Variants in NLGN1 observed in about 807,000 individuals in gnomAD.
NLGN1 encodes neuroligin-1.
Under a neutral mutation model 65.5 loss-of-function variants are expected in NLGN1, and 12 were observed. That is an observed-to-expected ratio of 0.18 (90% CI 0.12 to 0.30). The LOEUF (loss-of-function observed/expected upper bound fraction) is 0.30. Among genes scored for constraint, NLGN1 ranks in the 10% least tolerant of loss-of-function variants. The pLI is 1.00. For synonymous variants in NLGN1, 350 were observed against 359.5 expected (o/e 0.97, Z 0.30); for missense variants, 750 against 1,007.1 (o/e 0.74, Z 3.46).
At chr3:174,046,815 T>G (rs1733707485) in intron 4 of NLGN1, among the ~76,000 whole-genome samples, 1 of 152,094 alleles carries the variant, frequency 6.6e-6, no homozygotes, top group African/African-American at 2.4e-5. Context: ...AGGAATTGCT[T>G]TCTTATTCCT....
intron 4 of NLGN1, among the ~76,000 whole-genome samples, chr3:173,833,138 A>T (rs955337416): frequency 1.3e-5 from 2 of 152,248 alleles, no homozygotes; most frequent in Non-Finnish European, 2.9e-5. Flanking sequence ...ATTACAGTAT[A>T]TGTGCATTTA....
chr3:173,404,820 T>C (rs1357649978), intron 1 of NLGN1, among the ~76,000 whole-genome samples: 1 of 152,126 alleles, frequency 6.6e-6, no homozygotes, highest in Non-Finnish European at 1.5e-5. Context: ...TGTTTAATTA[T>C]ATTTAATAGA....
chr3:173,678,827 A>G (rs1763533904), intron 3 of NLGN1, among the ~76,000 whole-genome samples: 2 of 152,150 alleles, frequency 1.3e-5, no homozygotes, highest in Admixed American at 6.6e-5. Context: ...GGTGAGAAAC[A>G]TTGAGAGCTT....
intron 4 of NLGN1, among the ~76,000 whole-genome samples, chr3:174,208,409 G>A (rs1735824800): frequency 6.6e-6 from 1 of 152,132 alleles, no homozygotes; most frequent in African/African-American, 2.4e-5. Context: ...CAAATGGCAG[G>A]TGAAGGTAGA....
At chr3:174,166,169 C>G (rs754108297) in intron 4 of NLGN1, among the ~76,000 whole-genome samples, 54 of 151,690 alleles carry the variant, frequency 3.6e-4, no homozygotes, top group Non-Finnish European at 7.5e-4. Flanking sequence ...GATATTTGTG[C>G]AGATTTTGAG....
At chr3:173,996,272 G>GTATA (rs992396530) in intron 4 of NLGN1, among the ~76,000 whole-genome samples, 2 of 152,124 alleles carry the variant, frequency 1.3e-5, no homozygotes, top group African/African-American at 2.4e-5. Flanking sequence ...GATCCTTGCT[G>GTATA]TATATATAGT....
intron 3 of NLGN1, among the ~76,000 whole-genome samples, chr3:173,692,379 A>C (rs757864368): frequency 6.6e-6 from 1 of 152,246 alleles, no homozygotes; most frequent in African/African-American, 2.4e-5. Flanking sequence ...TCAGTGATCT[A>C]TTCACATTTG....
intron 3 of NLGN1, among the ~76,000 whole-genome samples, chr3:173,608,495 A>G (rs1053219895): frequency 6.6e-6 from 1 of 151,908 alleles, no homozygotes; most frequent in Non-Finnish European, 1.5e-5. Flanking sequence ...TTTAATCATC[A>G]TAGCAACATT....
At chr3:174,219,665 T>C (rs1235777583) in intron 4 of NLGN1, among the ~76,000 whole-genome samples, 1 of 152,110 alleles carries the variant, frequency 6.6e-6, no homozygotes, top group African/African-American at 2.4e-5. Flanking sequence ...ATCAGTTCCT[T>C]GAAAGCAGGT....
intron 3 of NLGN1, among the ~76,000 whole-genome samples, chr3:173,758,706 T>C (rs1213171883): frequency 6.6e-6 from 1 of 152,028 alleles, no homozygotes; most frequent in East Asian, 1.9e-4. Flanking sequence ...CATGTATATT[T>C]GTAGCAATTC....
At chr3:173,662,850 A>G (rs1002008703) in intron 3 of NLGN1, among the ~76,000 whole-genome samples, 3 of 151,920 alleles carry the variant, frequency 2.0e-5, no homozygotes, top group Non-Finnish European at 4.4e-5. Context: ...CCCAACACAA[A>G]ATTTTCCTGC....
At chr3:173,804,752 C>CA (rs1435034733) in intron 3 of NLGN1, among the ~76,000 whole-genome samples, 3 of 151,730 alleles carry the variant, frequency 2.0e-5, no homozygotes, top group Non-Finnish European at 2.9e-5. Context: ...CCTGGCCAGG[C>CA]ATGGTGGCTC....
At chr3:173,733,618 T>C (rs1773226918) in intron 3 of NLGN1, among the ~76,000 whole-genome samples, 1 of 152,142 alleles carries the variant, frequency 6.6e-6, no homozygotes, top group South Asian at 2.1e-4. Context: ...AGGAGGTTCC[T>C]AACTTCACCT....
At chr3:173,777,953 A>C in intron 3 of NLGN1, among the ~76,000 whole-genome samples, 1 of 151,882 alleles carries the variant, frequency 6.6e-6, no homozygotes, top group East Asian at 1.9e-4. Context: ...TGTATTAAAC[A>C]ATCAATACTT....
chr3:173,561,601 G>T (rs1158436964), intron 2 of NLGN1, among the ~76,000 whole-genome samples: 2 of 151,998 alleles, frequency 1.3e-5, no homozygotes, highest in Non-Finnish European at 2.9e-5. Context: ...TAATAATATA[G>T]AATTAATTAA....
intron 3 of NLGN1, among the ~76,000 whole-genome samples, chr3:173,647,352 C>T (rs974592825): frequency 3.3e-5 from 5 of 151,962 alleles, no homozygotes; most frequent in African/African-American, 1.2e-4. Context: ...ACATAATTGA[C>T]ATATATATAA....
intron 3 of NLGN1, among the ~76,000 whole-genome samples, chr3:173,728,561 T>G: frequency 6.6e-6 from 1 of 152,078 alleles, no homozygotes; most frequent in East Asian, 1.9e-4. Context: ...AAATGTGACC[T>G]TATTTGAAAA....
chr3:173,501,249 T>C (rs950212847), intron 2 of NLGN1, among the ~76,000 whole-genome samples: 32 of 152,066 alleles, frequency 2.1e-4, no homozygotes, highest in African/African-American at 7.0e-4. Flanking sequence ...CCTGATGCTC[T>C]CCCTCCCCCG....
chr3:173,917,364 G>A (rs913408870), intron 4 of NLGN1, among the ~76,000 whole-genome samples: 1 of 152,072 alleles, frequency 6.6e-6, no homozygotes, highest in Non-Finnish European at 1.5e-5. Context: ...GTAAGTCTTA[G>A]TTACTTCTTT....
Sources: allele counts gnomAD v4.1 joint callset (sites outside exome capture counted in the v4.1 genomes callset), GRCh38; gene constraint gnomAD v4.1.1; transcripts MANE v1.5; gene names NCBI Gene and HGNC (gene_info 2026-07-23, HGNC 2026-07-21).